Variants in EXOC6 observed in about 807,000 individuals in gnomAD.
EXOC6 encodes SEC15-like 1.
A neutral mutation model predicts 112.5 loss-of-function variants in EXOC6; 60 were observed. The observed-to-expected ratio is 0.53, with a 90% confidence interval of 0.43 to 0.66. The LOEUF is 0.66. EXOC6 is among the 30% of genes least tolerant of loss of function. EXOC6 has a pLI of 0.00. For missense variants in EXOC6, 855 were observed against 957.1 expected (o/e 0.89, Z 1.41); for synonymous variants, 295 against 308.0 (o/e 0.96, Z 0.44).
At chr10:92,982,358 C>G (rs1468665255) in intron 18 of EXOC6, among the ~76,000 whole-genome samples, 9 of 151,696 alleles carry the variant, frequency 5.9e-5, no homozygotes, top group African/African-American at 2.2e-4. Context: ...ATCCCAAGAT[C>G]CAATTGTGCA....
intron 19 of EXOC6, among the ~76,000 whole-genome samples, chr10:93,008,368 T>G (rs1191713979): frequency 6.6e-6 from 1 of 152,182 alleles, no homozygotes; most frequent in Non-Finnish European, 1.5e-5. Context: ...CATATCTTAT[T>G]GGGAAACCAG....
At chr10:92,920,904 C>T (rs1316583867) in intron 8 of EXOC6, among the ~76,000 whole-genome samples, 2 of 152,114 alleles carry the variant, frequency 1.3e-5, no homozygotes, top group Non-Finnish European at 2.9e-5. Context: ...TATAGCCACT[C>T]CAGCTTTCTT....
At chr10:93,012,840 G>T (rs1000286939) in intron 19 of EXOC6, among the ~76,000 whole-genome samples, 11 of 152,126 alleles carry the variant, frequency 7.2e-5, no homozygotes, top group African/African-American at 2.7e-4. Context: ...AGCCCAGCCT[G>T]TGCCACATAG....
At chr10:92,988,703 T>C (rs1843107058) in intron 18 of EXOC6, among the ~76,000 whole-genome samples, 1 of 152,074 alleles carries the variant, frequency 6.6e-6, no homozygotes, top group South Asian at 2.1e-4. Context: ...CTCATGCCTG[T>C]AATCCCAACA....
chr10:93,050,995 G>C (rs1846263558), intron 20 of EXOC6, among the ~76,000 whole-genome samples: 1 of 151,860 alleles, frequency 6.6e-6, no homozygotes, highest in Non-Finnish European at 1.5e-5. Context: ...CTATGTATTT[G>C]ATAAAATTAA....
chr10:92,987,547 T>G, intron 18 of EXOC6: 1 of 765,576 alleles, frequency 1.3e-6, no homozygotes, highest in South Asian at 5.9e-5. Context: ...CTTTAAACAC[T>G]GATTCTGCTG....
chr10:92,912,327 C>CTT (rs1269170798), intron 6 of EXOC6, among the ~76,000 whole-genome samples: 5 of 152,100 alleles, frequency 3.3e-5, no homozygotes, highest in African/African-American at 1.2e-4. Context: ...ACGGGGCTCT[C>CTT]TATTTGTTCC....
chr10:92,857,046 T>C (rs1196379237), intron 1 of EXOC6, among the ~76,000 whole-genome samples: 2 of 152,166 alleles, frequency 1.3e-5, no homozygotes, highest in Admixed American at 1.3e-4. Context: ...TTGGATCTTA[T>C]TTTTATCCAA....
At chr10:92,949,384 T>C (rs567743477) in intron 14 of EXOC6, among the ~76,000 whole-genome samples, 34 of 152,350 alleles carry the variant, frequency 2.2e-4, no homozygotes, top group African/African-American at 7.2e-4. Context: ...TAGCTATGTT[T>C]TAATACAAGA....
chr10:92,928,827 T>A (rs1405935268), intron 9 of EXOC6, among the ~76,000 whole-genome samples: 1 of 152,214 alleles, frequency 6.6e-6, no homozygotes. Flanking sequence ...TAAGGAACTG[T>A]TCTATATATT....
intron 17 of EXOC6, among the ~76,000 whole-genome samples, chr10:92,970,087 A>T (rs903216467): frequency 2.0e-5 from 3 of 151,766 alleles, no homozygotes; most frequent in Non-Finnish European, 4.4e-5. Flanking sequence ...TTTTCATTTA[A>T]CAAGTGCTCA....
At chr10:93,004,670 G>T (rs1843898594) in intron 19 of EXOC6, among the ~76,000 whole-genome samples, 1 of 151,852 alleles carries the variant, frequency 6.6e-6, no homozygotes, top group Non-Finnish European at 1.5e-5. Flanking sequence ...CCTATACTTG[G>T]TCAAAGTGGA....
At chr10:92,974,627 A>G (rs1413320387) in intron 18 of EXOC6, among the ~76,000 whole-genome samples, 1 of 37,638 alleles carries the variant, frequency 2.7e-5, no homozygotes, top group Admixed American at 3.5e-4. Context: ...CCGAAGCTGC[A>G]CTGTACTGCT....
intron 18 of EXOC6, among the ~76,000 whole-genome samples, chr10:92,980,639 G>T (rs145286727): frequency 2.0e-5 from 3 of 152,246 alleles, no homozygotes; most frequent in African/African-American, 7.2e-5. Context: ...CATTATTATA[G>T]CTTGAGTTGC....
intron 20 of EXOC6, among the ~76,000 whole-genome samples, chr10:93,039,880 A>T (rs1010468529): frequency 2.0e-5 from 3 of 152,166 alleles, no homozygotes; most frequent in African/African-American, 7.2e-5. Context: ...CTTTTCATAG[A>T]ATTCGGAGGA....
At chr10:92,853,095 T>G (rs1186565041) in intron 1 of EXOC6, among the ~76,000 whole-genome samples, 1 of 152,200 alleles carries the variant, frequency 6.6e-6, no homozygotes, top group Non-Finnish European at 1.5e-5. Flanking sequence ...CAATTGTGTT[T>G]CTCTGTACTA....
intron 4 of EXOC6, among the ~76,000 whole-genome samples, chr10:92,896,067 A>ATATGTGTATATATATGTGTATATATATG (rs1554889050): frequency 8.5e-4 from 46 of 54,176 alleles, no homozygotes; most frequent in South Asian, 1.5e-3. Flanking sequence ...GTGTATATAT[A>ATATGTGTATATATATGTGTATATATATG]TGTGTATATA....
Position 92,948,266 on chromosome 10 carries a change from C to T in EXOC6, c.1311-8C>T. The T allele has an allele frequency of 6.4e-7, 1 of 1,564,316 alleles. No individual in the cohort carries two copies. Among genetic ancestry groups the T allele is most frequent in the Non-Finnish European group, 8.8e-7 (1 of 1,141,138 alleles). On this transcript the variant is annotated splice_region_variant and splice_polypyrimidine_tract_variant and intron_variant, in intron 13 of 21. Transcript: ENST00000260762. Reference sequence around the variant, plus strand: ...AATGATAAGTTTTCAATTTTCCTTTCCTAACAGGGACATTTTTGAAGAAGA... The same window carrying T: ...AATGATAAGTTTTCAATTTTCCTTTTCTAACAGGGACATTTTTGAAGAAGA...
intron 1 of EXOC6, chr10:92,878,300 C>T (rs891069931): frequency 1.3e-5 from 2 of 152,138 alleles, no homozygotes; most frequent in Admixed American, 1.3e-4. Context: ...AGAAAGGTCC[C>T]TGTGGACATC....
Sources: gnomAD v4.1 joint callset for allele counts (sites outside exome capture counted in the v4.1 genomes callset) on GRCh38, gnomAD v4.1.1 for gene constraint, MANE v1.5 for transcripts, NCBI Gene and HGNC (gene_info 2026-07-23, HGNC 2026-07-21) for gene names.